Variants in TPO observed in about 807,000 individuals in gnomAD.
TPO encodes the protein thyroid peroxidase, also known as thyroid microsomal antigen.
TPO carries 78 observed loss-of-function variants against 96.9 expected under a neutral mutation model. The ratio of observed to expected loss-of-function variants is 0.81; its 90% CI spans 0.67 to 0.97. The LOEUF (loss-of-function observed/expected upper bound fraction) is 0.97. Among genes scored for constraint, TPO ranks in the 50% least tolerant of loss-of-function variants. The pLI is 0.00. For synonymous variants in TPO, 547 were observed against 538.0 expected (o/e 1.02, Z -0.23); for missense variants, 1,252 against 1,274.8 (o/e 0.98, Z 0.27).
chr2:1,380,451 TAGAGTA>T (rs1661793754), intron 1 of TPO, among the ~76,000 whole-genome samples: 1 of 151,914 alleles, frequency 6.6e-6, no homozygotes, highest in South Asian at 2.1e-4. Flanking sequence ...CATATAATGT[TAGAGTA>T]AAACAAATGG....
intron 8 of TPO, among the ~76,000 whole-genome samples, chr2:1,483,432 G>A (rs2148702118): frequency 6.6e-6 from 1 of 152,332 alleles, no homozygotes; most frequent in South Asian, 2.1e-4. Context: ...ATTGTAGTGA[G>A]AAGAAACCAA....
intron 15 of TPO, among the ~76,000 whole-genome samples, chr2:1,530,252 A>C: frequency 1.4e-5 from 1 of 70,146 alleles, no homozygotes; most frequent in Non-Finnish European, 2.6e-5. Context: ...ACCCCCCAAA[A>C]ATCCCCCCAC....
intron 1 of TPO, among the ~76,000 whole-genome samples, chr2:1,405,120 C>T (rs114012281): frequency 0.013 from 1,759 of 137,308 alleles, 39 homozygotes; most frequent in African/African-American, 0.044. Flanking sequence ...AATCATCATT[C>T]GCCTATCCAT....
chr2:1,493,205 T>TG (rs1671946946), intron 10 of TPO, among the ~76,000 whole-genome samples: 1 of 4,550 alleles, frequency 2.2e-4, no homozygotes. Flanking sequence ...TGTGTGTGAG[T>TG]GGGTGGGGGG....
intron 15 of TPO, among the ~76,000 whole-genome samples, chr2:1,538,019 G>A (rs1680250165): frequency 1.7e-5 from 1 of 59,530 alleles, no homozygotes; most frequent in Admixed American, 2.7e-4. Context: ...TCTACTGTGT[G>A]CCACCTCAAG....
In TPO at chr2:1,433,547, T is replaced by A; in HGVS notation, c.289T>A (p.Ser97Thr). Reference sequence around the variant, plus strand: ...CCGAGCAGCAGAGATAATGGAAACATCAATACAAGCGATGAAAAGAAAAGT... The same window carrying A: ...CCGAGCAGCAGAGATAATGGAAACAACAATACAAGCGATGAAAAGAAAAGT... ...IARAAEIMETSIQAMKRKVNL... is the reference protein window; with the variant it reads ...IARAAEIMETTIQAMKRKVNL... Residue 97 changes from serine to threonine, a missense_variant, in exon 4 of 17, where the codon TCA becomes ACA. Ser to Thr is a moderately conservative substitution (Grantham distance 58, BLOSUM62 1). Transcript: ENST00000329066. The A allele has an allele frequency of 6.2e-7, 1 of 1,614,128 alleles. No homozygotes were observed. Among genetic ancestry groups the A allele is most frequent in the African/African-American group, 1.3e-5 (1 of 75,022 alleles).
At chr2:1,434,768 G>A (rs987244797) in intron 4 of TPO, among the ~76,000 whole-genome samples, 25 of 152,264 alleles carry the variant, frequency 1.6e-4, no homozygotes, top group African/African-American at 5.5e-4. Context: ...AATGATTTCC[G>A]TTGTAAGTAT....
intron 1 of TPO, among the ~76,000 whole-genome samples, chr2:1,399,717 C>T (rs1662135334): frequency 6.6e-6 from 1 of 152,162 alleles, no homozygotes; most frequent in Non-Finnish European, 1.5e-5. Flanking sequence ...CATCCCAGGG[C>T]CTGGGGCTCC....
chr2:1,454,617 A>G (rs1392733773), intron 6 of TPO, among the ~76,000 whole-genome samples: 1 of 152,148 alleles, frequency 6.6e-6, no homozygotes, highest in Admixed American at 6.5e-5. Flanking sequence ...GGACAAGGCA[A>G]TTGGGCTCAC....
At chr2:1,452,074 T>A (rs772896001) in intron 5 of TPO, among the ~76,000 whole-genome samples, 180 of 152,364 alleles carry the variant, frequency 1.2e-3, no homozygotes, top group African/African-American at 4.1e-3. Context: ...ATATGTATTT[T>A]ATTTTGCATG....
Position 1,436,339 on chromosome 2 carries a change from G to A in TPO, c.437G>A (p.Cys146Tyr). Residue 146 changes from cysteine (C) to tyrosine (Y), a missense_variant, in exon 5 of 17, where the codon TGC becomes TAC. Coordinates refer to ENST00000329066, the MANE Select transcript of TPO (RefSeq NM_001206744.2). ...CTGCCCCCAAAATGCCCAAACACTT[G>A]CCTGGCGAACAAATACAGGCCCATC... ...YMLPPKCPNT[C>Y]LANKYRPITG... is the part of the protein sequence containing the mutation. 6.2e-7 allele frequency: 1 copy of A among 1,614,180 alleles called. No individual in the cohort carries two copies. Among genetic ancestry groups the A allele is most frequent in the East Asian group, 2.2e-5 (1 of 44,874 alleles).
chr2:1,540,902 G>A (rs1034345462), intron 16 of TPO, 179 bp downstream of exon 16: 2 of 1,545,214 alleles, frequency 1.3e-6, no homozygotes, highest in African/African-American at 2.7e-5. Flanking sequence ...GAGCCAGAAT[G>A]TGAGCCTGCT....
At chr2:1,444,335 A>C (rs1666539445) in intron 5 of TPO, among the ~76,000 whole-genome samples, 1 of 149,706 alleles carries the variant, frequency 6.7e-6, no homozygotes. Flanking sequence ...TGATCCAATC[A>C]CTGCTGCAGG....
chr2:1,476,634 G>A (rs1421708145), intron 7 of TPO, among the ~76,000 whole-genome samples: 2 of 152,246 alleles, frequency 1.3e-5, no homozygotes, highest in South Asian at 2.1e-4. Context: ...GGGATTCCAT[G>A]AGCAGCTAGA....
At chr2:1,424,366 G>A (rs750172776) in intron 3 of TPO, among the ~76,000 whole-genome samples, 2 of 152,188 alleles carry the variant, frequency 1.3e-5, no homozygotes, top group Non-Finnish European at 2.9e-5. Flanking sequence ...TAAGGTCTGT[G>A]TTGATGTTGA....
chr2:1,519,770 T>C (rs1675063841), intron 15 of TPO, among the ~76,000 whole-genome samples: 1 of 152,216 alleles, frequency 6.6e-6, no homozygotes, highest in South Asian at 2.1e-4. Flanking sequence ...TTCCTATTCA[T>C]AAACAATTTT....
intron 16 of TPO, 78 bp from the exon 17 acceptor site, chr2:1,542,343 T>A: frequency 6.3e-7 from 1 of 1,582,584 alleles, no homozygotes; most frequent in Non-Finnish European, 8.6e-7. Flanking sequence ...CAGGCCCTTC[T>A]GTCTTGTATC....
chr2:1,462,730 T>C (rs1026271743), intron 7 of TPO, among the ~76,000 whole-genome samples: 1 of 152,118 alleles, frequency 6.6e-6, no homozygotes, highest in African/African-American at 2.4e-5. Flanking sequence ...TGAAATGAAA[T>C]CAGGCCCATT....
intron 7 of TPO, among the ~76,000 whole-genome samples, chr2:1,464,792 G>T (rs1482915010): frequency 6.6e-6 from 1 of 152,124 alleles, no homozygotes; most frequent in African/African-American, 2.4e-5. Flanking sequence ...GTAGATTCTG[G>T]ATATTAATCC....
Sources: allele counts gnomAD v4.1 joint callset (sites outside exome capture counted in the v4.1 genomes callset), GRCh38; gene constraint gnomAD v4.1.1; transcripts MANE v1.5; gene names NCBI Gene and HGNC (gene_info 2026-07-23, HGNC 2026-07-21).